The following BCAS3 variants were observed in gnomAD, a reference collection of about 807,000 sequenced individuals.
BCAS3 encodes BCAS4/BCAS3 fusion.
A neutral mutation model predicts 116.1 loss-of-function variants in BCAS3; 53 were observed. The ratio of observed to expected loss-of-function variants is 0.46; its 90% CI spans 0.37 to 0.57. The LOEUF is 0.57. Ranked by LOEUF, BCAS3 falls within the 20% of genes least tolerant of loss-of-function variation. The pLI, the probability that BCAS3 is intolerant of heterozygous loss-of-function variation, is 0.00. For synonymous variants in BCAS3, 391 were observed against 408.2 expected, an observed-to-expected ratio of 0.96 and a Z score of 0.51; for missense variants, 917 against 1,165.4, an observed-to-expected ratio of 0.79 and a Z score of 3.10.
At chr17:61,109,269 G>T (rs979759234) in intron 22 of BCAS3, among the ~76,000 whole-genome samples, 1 of 149,154 alleles carries the variant, frequency 6.7e-6, no homozygotes, top group African/African-American at 2.5e-5. Context: ...TGTTACGGCC[G>T]AGTAGTATTC....
chr17:61,153,730 T>A (rs2077670583), intron 22 of BCAS3, among the ~76,000 whole-genome samples: 1 of 152,202 alleles, frequency 6.6e-6, no homozygotes, highest in Non-Finnish European at 1.5e-5. Context: ...TTTTCTTGTT[T>A]TTTCGTTTGT....
chr17:60,804,367 C>T (rs1216331572), intron 6 of BCAS3, among the ~76,000 whole-genome samples: 2 of 151,464 alleles, frequency 1.3e-5, no homozygotes, highest in African/African-American at 4.8e-5. Flanking sequence ...TGTAATCCCA[C>T]CTACTCAGGA....
chr17:60,703,938 A>AAGAAAAAAAG (rs2036778387), intron 4 of BCAS3, among the ~76,000 whole-genome samples: 1 of 149,042 alleles, frequency 6.7e-6, no homozygotes, highest in Non-Finnish European at 1.5e-5. Flanking sequence ...AGAAAAAAAG[A>AAGAAAAAAAG]AAAAAAAAAG....
intron 17 of BCAS3, among the ~76,000 whole-genome samples, chr17:61,036,604 A>G (rs994985844): frequency 6.6e-6 from 1 of 151,970 alleles, no homozygotes; most frequent in East Asian, 1.9e-4. Context: ...ATCATTAGCT[A>G]TTTTCTCAAA....
intron 23 of BCAS3, among the ~76,000 whole-genome samples, chr17:61,370,398 GTT>G (rs113402346): frequency 1.1e-4 from 17 of 148,830 alleles, no homozygotes; most frequent in African/African-American, 4.2e-4. Flanking sequence ...TTCTTTTTTT[GTT>G]TTTTTTTAAG....
chr17:61,072,695 G>GAA (rs1453898640), intron 19 of BCAS3, among the ~76,000 whole-genome samples: 23 of 125,532 alleles, frequency 1.8e-4, no homozygotes, highest in African/African-American at 6.7e-4. Flanking sequence ...AAAAAAAAAA[G>GAA]AAGAAAGGAA....
At chr17:61,079,325 A>G (rs1243221354) in intron 21 of BCAS3, among the ~76,000 whole-genome samples, 2 of 152,230 alleles carry the variant, frequency 1.3e-5, no homozygotes, top group Non-Finnish European at 2.9e-5. Context: ...AAAATGTTCC[A>G]GTTACATAGT....
Position 61,021,355 on chromosome 17 carries a change from C to A in BCAS3, c.1637+5454C>A, listed in dbSNP as rs12937849. ...GATTATAGGCATGAGCAACCGCACC[C>A]GGCCATGTTTATTCATTTCTTTGTG... On this transcript the variant is annotated intron_variant, in intron 16 of 23. Transcript: ENST00000407086. This position sits in a 1 kb window ranked among gnomAD's most constrained non-coding sequence, Gnocchi z 4.6. 6.6e-6 allele frequency among the ~76,000 whole-genome samples: 1 copy of A among 152,046 alleles called. No homozygotes were observed. The highest frequency in any genetic ancestry group is 3.2e-3 in the Middle Eastern group (1 of 316).
chr17:60,765,571 G>C (rs1321453360), intron 6 of BCAS3, among the ~76,000 whole-genome samples: 1 of 152,194 alleles, frequency 6.6e-6, no homozygotes, highest in Non-Finnish European at 1.5e-5. Context: ...CTGTTAGTCT[G>C]ATGGGCTTCC....
chr17:61,102,232 G>T (rs2074372410), intron 22 of BCAS3, among the ~76,000 whole-genome samples: 1 of 152,198 alleles, frequency 6.6e-6, no homozygotes, highest in South Asian at 2.1e-4. Context: ...TTTCATGAAA[G>T]AAACCTATTT....
chr17:61,078,601 T>C, intron 21 of BCAS3, 72 bp downstream of exon 21: 1 of 1,342,636 alleles, frequency 7.4e-7, no homozygotes, highest in Non-Finnish European at 1.0e-6. Context: ...GCATCATATG[T>C]AATATTTAGG....
At position 61,226,568 on chromosome 17, in the gene BCAS3, A is replaced by G. The variant is rs1026794633; in HGVS notation, c.2426-141759A>G. ...GAACGACTCACTGCTATGAGCACCCAGTATTTACTAGATCTTAGATTTTAA... is the reference window on the plus strand; with the variant it reads ...GAACGACTCACTGCTATGAGCACCCGGTATTTACTAGATCTTAGATTTTAA... On this transcript the variant is annotated intron_variant, in intron 22 of 23. Transcript: ENST00000407086. This position sits in a 1 kb window ranked among gnomAD's most constrained non-coding sequence, Gnocchi z 6.0. Among the ~76,000 whole-genome samples, 1 of 152,204 alleles carries G rather than the reference A, an allele frequency of 6.6e-6. No homozygotes were observed. The highest frequency in any genetic ancestry group is 1.5e-5 in the Non-Finnish European group (1 of 68,030).
chr17:60,694,942 C>T (rs1226325396), intron 4 of BCAS3, among the ~76,000 whole-genome samples: 2 of 152,002 alleles, frequency 1.3e-5, no homozygotes, highest in Admixed American at 1.3e-4. Context: ...CTTTCTGTTT[C>T]TATGATTTTT....
intron 10 of BCAS3, among the ~76,000 whole-genome samples, chr17:60,892,846 C>G (rs1291148981): frequency 6.6e-6 from 1 of 151,760 alleles, no homozygotes; most frequent in South Asian, 2.1e-4. Context: ...CACTTGAACC[C>G]GGGAGGTGGA....
Position 60,924,518 on chromosome 17 carries a change from C to CCGACA in BCAS3, c.1087+18_1087+19insCGACA. 2.7e-6 allele frequency: 3 copies of CCGACA among 1,100,122 alleles called. No individual in the cohort carries two copies. The highest frequency in any genetic ancestry group is 3.7e-6 in the Non-Finnish European group (3 of 801,694). 68.1% of individuals were successfully genotyped at this position (1,100,122 alleles called of 1,614,324 possible). A position where few individuals can be genotyped will look rare whatever the true frequency, so the allele number is the denominator to read the frequency against. On this transcript the variant is annotated intron_variant, in intron 13 of 23. Transcript: ENST00000407086. The stretch of plus-strand genomic sequence containing the variant: ...TACAAGTGGTAAGTTCGCTCTCTGT[C>CCGACA]TTTTTTTTTTTTTTTTTTGTAGACC...
Position 61,363,724 on chromosome 17 carries a change from T to C in BCAS3, c.2426-4603T>C, listed in dbSNP as rs1489404762. 1.3e-5 allele frequency among the ~76,000 whole-genome samples: 2 copies of C among 151,774 alleles called. No homozygotes were observed. Among genetic ancestry groups the C allele is most frequent in the South Asian group, 2.1e-4 (1 of 4,796 alleles). ...AACAAAAGATGTCTGTTGCCAAGAG[T>C]GTGTATTTTGTCCTTTGCAAACAGC... On this transcript the variant is annotated intron_variant, in intron 22 of 23. Transcript: ENST00000407086. The surrounding 1 kb of genome is among the most constrained non-coding windows in gnomAD (Gnocchi z 4.9).
At chr17:60,858,465 A>G (rs1478509330) in intron 7 of BCAS3, among the ~76,000 whole-genome samples, 1 of 151,888 alleles carries the variant, frequency 6.6e-6, no homozygotes, top group Non-Finnish European at 1.5e-5. Context: ...TCCCACAGTC[A>G]TGGTATTGAG....
chr17:61,025,161 G>A (rs2066148016), intron 16 of BCAS3, among the ~76,000 whole-genome samples: 1 of 152,092 alleles, frequency 6.6e-6, no homozygotes, highest in African/African-American at 2.4e-5. Flanking sequence ...TTGAGAGATT[G>A]TAGTCTTCAA....
chr17:60,977,224 G>A (rs1004012718), intron 14 of BCAS3, among the ~76,000 whole-genome samples: 1 of 152,058 alleles, frequency 6.6e-6, no homozygotes, highest in African/African-American at 2.4e-5. Context: ...GCATTGCACA[G>A]GCTGGAGTGC....
Sources: gnomAD v4.1 joint callset for allele counts (sites outside exome capture counted in the v4.1 genomes callset) on GRCh38, gnomAD v4.1.1 for gene constraint, Gnocchi (gnomAD v3.1) non-coding constraint, MANE v1.5 for transcripts, NCBI Gene and HGNC (gene_info 2026-07-23, HGNC 2026-07-21) for gene names.